Variants in SPATA16 observed in about 807,000 individuals in gnomAD.
The protein encoded by SPATA16 is spermatogenesis associated 16, also known as spermatogenesis-associated protein 16.
SPATA16 carries 36 observed loss-of-function variants against 63.3 expected under a neutral mutation model. The ratio of observed to expected loss-of-function variants is 0.57; its 90% CI spans 0.44 to 0.75. The LOEUF (loss-of-function observed/expected upper bound fraction) is 0.75. Ranked by LOEUF, SPATA16 falls within the 30% of genes least tolerant of loss-of-function variation. The pLI is 0.00. For synonymous variants in SPATA16, 203 were observed against 216.7 expected, an observed-to-expected ratio of 0.94 and a Z score of 0.56; for missense variants, 646 against 679.3, an observed-to-expected ratio of 0.95 and a Z score of 0.54.
intron 10 of SPATA16, among the ~76,000 whole-genome samples, chr3:172,895,370 G>T (rs1290086237): frequency 2.0e-5 from 3 of 152,048 alleles, no homozygotes; most frequent in Non-Finnish European, 4.4e-5. Context: ...GAGTCTTGCT[G>T]TGTCACCCAA....
intron 3 of SPATA16, among the ~76,000 whole-genome samples, chr3:173,045,234 G>A (rs1735930010): frequency 6.6e-6 from 1 of 151,832 alleles, no homozygotes; most frequent in South Asian, 2.1e-4. Context: ...TTCTAATCTC[G>A]GCCTCTTCAG....
intron 4 of SPATA16, among the ~76,000 whole-genome samples, chr3:172,991,027 C>G (rs1345363071): frequency 1.3e-5 from 2 of 152,154 alleles, no homozygotes; most frequent in Non-Finnish European, 2.9e-5. Context: ...CCTCCATTCT[C>G]TTGTCATGAC....
At chr3:173,010,213 G>A (rs113739826) in intron 4 of SPATA16, among the ~76,000 whole-genome samples, 225 of 152,276 alleles carry the variant, frequency 1.5e-3, no homozygotes, top group Non-Finnish European at 2.4e-3. Flanking sequence ...GGGACACAAC[G>A]GACAGACCTA....
chr3:173,028,130 C>G (rs930090769), intron 3 of SPATA16, among the ~76,000 whole-genome samples: 1 of 149,816 alleles, frequency 6.7e-6, no homozygotes, highest in Non-Finnish European at 1.5e-5. Context: ...AGATGCCCAT[C>G]TAGTTACCAT....
At chr3:173,025,054 T>C (rs1735422006) in intron 3 of SPATA16, among the ~76,000 whole-genome samples, 1 of 150,942 alleles carries the variant, frequency 6.6e-6, no homozygotes, top group Non-Finnish European at 1.5e-5. Flanking sequence ...AAAAGGGTAT[T>C]TTTTTCTTAT....
chr3:173,083,560 C>T (rs535812008), intron 2 of SPATA16, among the ~76,000 whole-genome samples: 3 of 152,026 alleles, frequency 2.0e-5, no homozygotes, highest in South Asian at 2.1e-4. Flanking sequence ...AAACGTGCGC[C>T]CTGGTGGTTT....
chr3:172,915,419 T>C lies in SPATA16; in HGVS notation c.1503+898A>G, dbSNP rs1378132699. ...CAAAGGGGGAGGGTTTCTTTAGTCA[T>C]CTGAAAATTACAGGTAATCAGTTTG... is the stretch of plus-strand genomic sequence containing the variant. On this transcript the variant is annotated intron_variant, in intron 9 of 10. Transcript: ENST00000351008. 2.0e-5 allele frequency among the ~76,000 whole-genome samples: 3 copies of C among 152,112 alleles called. No homozygotes were observed. In the East Asian group the frequency reaches 5.8e-4, roughly 29 times the overall value.
At chr3:172,930,983 C>T (rs1357622677) in intron 6 of SPATA16, among the ~76,000 whole-genome samples, 2 of 152,128 alleles carry the variant, frequency 1.3e-5, no homozygotes, top group African/African-American at 2.4e-5. Flanking sequence ...CCACCGTGCT[C>T]AGCTAATTTT....
chr3:172,926,120 T>C (rs1469953403), intron 6 of SPATA16, among the ~76,000 whole-genome samples: 1 of 152,014 alleles, frequency 6.6e-6, no homozygotes, highest in Non-Finnish European at 1.5e-5. Context: ...GCCACTGCGC[T>C]CAGCTGAGAA....
chr3:173,080,282 T>C (rs1736894711), intron 2 of SPATA16, among the ~76,000 whole-genome samples: 1 of 152,144 alleles, frequency 6.6e-6, no homozygotes, highest in African/African-American at 2.4e-5. Flanking sequence ...CAAAAAAGAA[T>C]AGACAAATTG....
chr3:172,890,460 A>C (rs770298623), intron 10 of SPATA16, among the ~76,000 whole-genome samples: 5 of 152,180 alleles, frequency 3.3e-5, no homozygotes, highest in Non-Finnish European at 5.9e-5. Flanking sequence ...TAGGACCTGC[A>C]TATTGTATTA....
chr3:173,113,306 C>T (rs563023007), intron 2 of SPATA16, among the ~76,000 whole-genome samples: 1 of 152,056 alleles, frequency 6.6e-6, no homozygotes, highest in Non-Finnish European at 1.5e-5. Context: ...ACCTTTTGCC[C>T]TTATTGGTTT....
At chr3:173,114,179 CA>C (rs34754459) in intron 2 of SPATA16, among the ~76,000 whole-genome samples, 15,999 of 66,194 alleles carry the variant, frequency 0.24, 841 homozygotes, top group East Asian at 0.38. Flanking sequence ...GACTCCATCT[CA>C]AAAAAAAAAA....
chr3:172,998,660 A>G (rs966604160), intron 4 of SPATA16, among the ~76,000 whole-genome samples: 10 of 152,130 alleles, frequency 6.6e-5, no homozygotes, highest in African/African-American at 2.2e-4. Context: ...CATTAAGTGC[A>G]ATGTTAGCTG....
At chr3:173,121,813 T>C (rs1368673691) in intron 1 of SPATA16, among the ~76,000 whole-genome samples, 2 of 152,188 alleles carry the variant, frequency 1.3e-5, no homozygotes, top group African/African-American at 4.8e-5. Context: ...TCTGGATTTA[T>C]TTTTTGTTTT....
intron 9 of SPATA16, 33 bp downstream of exon 9, chr3:172,916,284 C>A: frequency 1.2e-6 from 2 of 1,606,096 alleles, no homozygotes; most frequent in African/African-American, 2.7e-5. Context: ...GGCTCTGGGC[C>A]TATGAAACCC....
chr3:173,067,244 C>T (rs1418027877), intron 2 of SPATA16, among the ~76,000 whole-genome samples: 1 of 152,048 alleles, frequency 6.6e-6, no homozygotes, highest in African/African-American at 2.4e-5. Flanking sequence ...AAATGTGATA[C>T]CTATACACCA....
chr3:173,117,296 T>C lies in SPATA16; in HGVS notation c.436A>G (p.Thr146Ala), dbSNP rs761376395. Residue 146 changes from threonine to alanine, a missense_variant, in exon 2 of 11, where the codon ACT becomes GCT. Coordinates refer to ENST00000351008, the MANE Select transcript of SPATA16 (RefSeq NM_031955.6). ...RYEFVESFMSTGSQPTCQAAE... is the reference protein window; with the variant it reads ...RYEFVESFMSAGSQPTCQAAE... ...GCTTGGCATGTTGGCTGACTCCCAG[T>C]AGACATGAAGGACTCTACAAACTCA... 1.7e-5 allele frequency: 27 copies of C among 1,614,070 alleles called. No homozygotes were observed. The highest frequency in any genetic ancestry group is 2.3e-5 in the Non-Finnish European group (27 of 1,180,018).
Position 172,890,997 on chromosome 3 carries a change from C to T in SPATA16, c.1588-1305G>A, listed in dbSNP as rs117925895. The stretch of plus-strand genomic sequence containing the variant: ...TATAATATGTGTATATATATATACA[C>T]GCACACACATACACATATACACTAT... On this transcript the variant is annotated intron_variant, in intron 10 of 10. Transcript: ENST00000351008. Among the ~76,000 whole-genome samples, 293 of 140,460 alleles carry T rather than the reference C, an allele frequency of 2.1e-3. 1 individual carries two copies. The highest frequency in any genetic ancestry group is 0.012 in the Admixed American group (179 of 14,366). The allele number at this position is 140,460 out of a possible 152,430, so 92.1% of individuals were successfully genotyped here. A position where few individuals can be genotyped will look rare whatever the true frequency, so the allele number is the denominator to read the frequency against.
Sources: gnomAD v4.1 joint callset for allele counts (sites outside exome capture counted in the v4.1 genomes callset) on GRCh38, gnomAD v4.1.1 for gene constraint, MANE v1.5 for transcripts, NCBI Gene and HGNC (gene_info 2026-07-23, HGNC 2026-07-21) for gene names.